ABHD16A: variants seen among roughly 807,000 people sequenced by gnomAD.
The protein encoded by ABHD16A is phosphatidylserine lipase ABHD16A.
Under a neutral mutation model 89.8 loss-of-function variants are expected in ABHD16A, and 47 were observed. That is an observed-to-expected ratio of 0.52 (90% CI 0.41 to 0.67). The LOEUF is 0.67. ABHD16A is among the 30% of genes least tolerant of loss of function. ABHD16A has a pLI of 0.00. For synonymous variants in ABHD16A, 251 were observed against 280.4 expected, an observed-to-expected ratio of 0.90 and a Z score of 1.05; for missense variants, 580 against 734.6, an observed-to-expected ratio of 0.79 and a Z score of 2.43.
intron 2 of ABHD16A, among the ~76,000 whole-genome samples, chr6:31,701,719 C>T (rs1266071): frequency 0.067 from 10,162 of 152,254 alleles, 472 homozygotes; most frequent in Middle Eastern, 0.14. Flanking sequence ...GCAAACGTCA[C>T]CACAGGAACT....
At chr6:31,702,980 G>A in intron 1 of ABHD16A, 170 bp downstream of exon 1, 1 of 1,340,120 alleles carries the variant, frequency 7.5e-7, no homozygotes, top group Non-Finnish European at 9.6e-7. Flanking sequence ...GAGGCGGCCA[G>A]TCCGTAGGCG....
intron 2 of ABHD16A, 32 bp from the exon 3 acceptor site, chr6:31,701,372 TACACACAC>T: frequency 1.4e-6 from 2 of 1,406,484 alleles, no homozygotes; most frequent in Non-Finnish European, 2.0e-6. Context: ...AGGCAATCAA[TACACACAC>T]ACACACACAC....
intron 5 of ABHD16A, among the ~76,000 whole-genome samples, chr6:31,696,713 G>A (rs1268288466): frequency 2.6e-5 from 4 of 152,192 alleles, no homozygotes; most frequent in Non-Finnish European, 5.9e-5. Flanking sequence ...GAGGGAGGGG[G>A]AAGATTGTTC....
At chr6:31,700,686 T>A (rs1361100163) in intron 4 of ABHD16A, among the ~76,000 whole-genome samples, 1 of 151,864 alleles carries the variant, frequency 6.6e-6, no homozygotes, top group Non-Finnish European at 1.5e-5. Context: ...CACTTTGAGT[T>A]CAGGAGTTTG....
intron 4 of ABHD16A, among the ~76,000 whole-genome samples, chr6:31,699,408 C>CA (rs9281558): frequency 0.18 from 9,896 of 53,622 alleles, 916 homozygotes; most frequent in African/African-American, 0.26. Flanking sequence ...GACTCCGTCT[C>CA]AAAAAAAAAA....
chr6:31,696,832 G>C, intron 5 of ABHD16A, 116 bp downstream of exon 5: 3 of 958,404 alleles, frequency 3.1e-6, no homozygotes, highest in South Asian at 2.7e-5. Flanking sequence ...CACCCAGTGT[G>C]GTGGGTGGTA....
In ABHD16A at chr6:31,687,447, G is replaced by A. The variant is rs765499454; in HGVS notation, c.1593+51C>T. ...TATAGGGTATCCCCAGTCCCCCTAT[G>A]TGAGCCCTGGCCATTCAAGAACCCT... is the stretch of plus-strand genomic sequence containing the variant. On this transcript the variant is annotated intron_variant, in intron 19 of 19. Transcript: ENST00000395952. This position sits in a 1 kb window ranked among gnomAD's most constrained non-coding sequence, Gnocchi z 6.3. 27 of 1,612,172 alleles carry A rather than the reference G, an allele frequency of 1.7e-5. No homozygotes were observed. The highest frequency in any genetic ancestry group is 1.7e-6 in the Non-Finnish European group (2 of 1,179,356).
In ABHD16A at chr6:31,688,717, C is replaced by T. The variant is rs1159533819; in HGVS notation, c.1250+6G>A. 3 of 1,612,912 alleles carry T rather than the reference C, an allele frequency of 1.9e-6. No homozygotes were observed. Among genetic ancestry groups the T allele is most frequent in the Non-Finnish European group, 2.5e-6 (3 of 1,179,970 alleles). On this transcript the variant is annotated splice_donor_region_variant and intron_variant, in intron 14 of 19. Transcript: ENST00000395952. The surrounding 1 kb of genome is among the most constrained non-coding windows in gnomAD (Gnocchi z 4.9). ...TGTTCAATGCCGGACGCTGGCCGGC[C>T]CTCACCTGCACAGCTGCTCCGCGTT... is the stretch of plus-strand genomic sequence containing the variant.
intron 5 of ABHD16A, among the ~76,000 whole-genome samples, chr6:31,694,343 C>A (rs1397938954): frequency 6.6e-6 from 1 of 151,784 alleles, no homozygotes; most frequent in Non-Finnish European, 1.5e-5. Flanking sequence ...AGGCATGAAC[C>A]ACCTCACCAG....
chr6:31,693,466 G>T lies in ABHD16A; in HGVS notation c.430-34C>A, dbSNP rs1278113359. 6.2e-7 allele frequency: 1 copy of T among 1,605,622 alleles called. No individual in the cohort carries two copies. Among genetic ancestry groups the T allele is most frequent in the East Asian group, 2.2e-5 (1 of 44,796 alleles). On this transcript the variant is annotated intron_variant, in intron 5 of 19. Transcript: ENST00000395952. The surrounding 1 kb of genome is among the most constrained non-coding windows in gnomAD (Gnocchi z 5.0). Reference sequence around the variant, plus strand: ...GGCACGAGAGGCAAAGGGGTACTGAGAACTCAGGGGAGGCTCTCCTACCCA... The same window carrying T: ...GGCACGAGAGGCAAAGGGGTACTGATAACTCAGGGGAGGCTCTCCTACCCA...
chr6:31,687,444 T>C lies in ABHD16A; in HGVS notation c.1593+54A>G. 6.2e-7 allele frequency: 1 copy of C among 1,612,160 alleles called. No individual in the cohort carries two copies. On this transcript the variant is annotated intron_variant, in intron 19 of 19. Coordinates refer to ENST00000395952, the MANE Select transcript of ABHD16A (RefSeq NM_021160.3). This position sits in a 1 kb window ranked among gnomAD's most constrained non-coding sequence, Gnocchi z 6.3. ...GCTTATAGGGTATCCCCAGTCCCCC[T>C]ATGTGAGCCCTGGCCATTCAAGAAC...
In ABHD16A at chr6:31,690,150, A is replaced by T; in HGVS notation, c.908-23T>A. ...CAGCTGTAACACAGGGGGAGGAGGGACTGAGACCTTGTGGCCCACAGCCCT... is the reference window on the plus strand; with the variant it reads ...CAGCTGTAACACAGGGGGAGGAGGGTCTGAGACCTTGTGGCCCACAGCCCT... On this transcript the variant is annotated intron_variant, in intron 10 of 19. Coordinates refer to ENST00000395952, the MANE Select transcript of ABHD16A (RefSeq NM_021160.3). This position sits in a 1 kb window ranked among gnomAD's most constrained non-coding sequence, Gnocchi z 4.1. 6.4e-7 allele frequency: 1 copy of T among 1,571,448 alleles called. No homozygotes were observed. The highest frequency in any genetic ancestry group is 8.6e-7 in the Non-Finnish European group (1 of 1,159,246).
At chr6:31,696,859 C>T in intron 5 of ABHD16A, 89 bp downstream of exon 5, 1 of 1,307,170 alleles carries the variant, frequency 7.7e-7, no homozygotes, top group South Asian at 1.2e-5. Flanking sequence ...ACCTCCTCTT[C>T]CTGCAGAAGC....
Position 31,693,413 on chromosome 6 carries a change from T to C in ABHD16A, c.449A>G (p.Asn150Ser). ...SENKRQLANYNFDFRSWPVDF... is the reference protein window; with the variant it reads ...SENKRQLANYSFDFRSWPVDF... Reference sequence around the variant, plus strand: ...GACTGGCCAGCTCCGGAAGTCAAAGTTGTAGTTGGCAAGCTGCCTCTGCAG... The same window carrying C: ...GACTGGCCAGCTCCGGAAGTCAAAGCTGTAGTTGGCAAGCTGCCTCTGCAG... The change falls in exon 6 of 20, where the codon AAC becomes AGC. Residue 150 changes from asparagine to serine, a missense_variant. Physicochemically the swap from Asn to Ser is conservative, Grantham distance 46. Transcript: ENST00000395952. This position sits in a 1 kb window ranked among gnomAD's most constrained non-coding sequence, Gnocchi z 5.0. The C allele has an allele frequency of 6.2e-7, 1 of 1,612,944 alleles. No homozygotes were observed. Among genetic ancestry groups the C allele is most frequent in the South Asian group, 1.1e-5 (1 of 91,072 alleles).
At chr6:31,700,655 G>A (rs575330030) in intron 4 of ABHD16A, among the ~76,000 whole-genome samples, 6 of 151,674 alleles carry the variant, frequency 4.0e-5, no homozygotes, top group Non-Finnish European at 8.8e-5. Flanking sequence ...CCAGTACTTC[G>A]GGAGGCTGAG....
chr6:31,696,714 A>T (rs1583703725), intron 5 of ABHD16A, among the ~76,000 whole-genome samples: 1 of 152,076 alleles, frequency 6.6e-6, no homozygotes. Context: ...AGGGAGGGGG[A>T]AGATTGTTCT....
rs1225558860 is a variant in ABHD16A at position 31,687,685 on chromosome 6, G to A, written c.1503C>T (p.Arg501=). The change falls in exon 18 of 20, where the codon CGC becomes CGT. Residue 501 remains arginine, a synonymous_variant. Transcript: ENST00000395952. The surrounding 1 kb of genome is among the most constrained non-coding windows in gnomAD (Gnocchi z 6.3). ...VEEDWCLSVL[R]SYQAEHGPDF... The stretch of plus-strand genomic sequence containing the variant: ...CGGGCCCGTGTTCTGCCTGGTAGGA[G>A]CGGAGGACAGACAGACACCAGTCCT... 6.2e-7 allele frequency: 1 copy of A among 1,612,886 alleles called. No homozygotes were observed. Among genetic ancestry groups the A allele is most frequent in the African/African-American group, 1.3e-5 (1 of 75,010 alleles).
Position 31,688,957 on chromosome 6 carries a change from A to T in ABHD16A, c.1186+58T>A. ...CAAGAAAAGGGAGCCATCTCAGAACAGTTCCCAGTTCCAGCCCACCCCTTC... is the reference window on the plus strand; with the variant it reads ...CAAGAAAAGGGAGCCATCTCAGAACTGTTCCCAGTTCCAGCCCACCCCTTC... On this transcript the variant is annotated intron_variant, in intron 13 of 19. Coordinates refer to ENST00000395952, the MANE Select transcript of ABHD16A (RefSeq NM_021160.3). The surrounding 1 kb of genome is among the most constrained non-coding windows in gnomAD (Gnocchi z 4.9). 6.6e-7 allele frequency: 1 copy of T among 1,524,852 alleles called. No homozygotes were observed. Among genetic ancestry groups the T allele is most frequent in the East Asian group, 2.3e-5 (1 of 43,806 alleles). 94.5% of individuals were successfully genotyped at this position (1,524,852 alleles called of 1,614,324 possible). A position where few individuals can be genotyped will look rare whatever the true frequency, so the allele number is the denominator to read the frequency against.
At chr6:31,697,954 A>C (rs977282710) in intron 4 of ABHD16A, among the ~76,000 whole-genome samples, 10 of 152,210 alleles carry the variant, frequency 6.6e-5, no homozygotes, top group African/African-American at 2.4e-4. Context: ...AGAGAGGGAT[A>C]AGTGCTACAG....
Sources: gnomAD v4.1 joint callset for allele counts (sites outside exome capture counted in the v4.1 genomes callset) on GRCh38, gnomAD v4.1.1 for gene constraint, Gnocchi (gnomAD v3.1) non-coding constraint, MANE v1.5 for transcripts, NCBI Gene and HGNC (gene_info 2026-07-23, HGNC 2026-07-21) for gene names.